Variants in U2AF2 observed in about 807,000 individuals in gnomAD.
U2AF2 encodes splicing factor U2AF 65 kDa subunit.
U2AF2 carries 6 observed loss-of-function variants against 52.6 expected under a neutral mutation model. That is an observed-to-expected ratio of 0.11 (90% CI 0.06 to 0.23). The LOEUF is 0.23. Ranked by LOEUF, U2AF2 falls within the 10% of genes least tolerant of loss-of-function variation. The probability of loss-of-function intolerance (pLI) is 1.00; values close to 1 mark genes in which losing one functional copy is unlikely to be tolerated. For missense variants in U2AF2, 222 were observed against 677.1 expected (o/e 0.33, Z 7.46); for synonymous variants, 284 against 258.2 (o/e 1.10, Z -0.96).
At chr19:55,655,405 C>T (rs953370592) in intron 1 of U2AF2, among the ~76,000 whole-genome samples, 1 of 152,176 alleles carries the variant, frequency 6.6e-6, no homozygotes, top group Non-Finnish European at 1.5e-5. Flanking sequence ...CCCACGTGGT[C>T]CTGGCGGAGG....
chr19:55,660,879 G>T (rs911519474), intron 4 of U2AF2, among the ~76,000 whole-genome samples, 159 bp from the exon 5 acceptor site: 1 of 152,126 alleles, frequency 6.6e-6, no homozygotes, highest in Non-Finnish European at 1.5e-5. Flanking sequence ...GCAGTTACTG[G>T]GTGGGGGCCC....
At chr19:55,659,846 TC>T (rs1158941171) in intron 2 of U2AF2, among the ~76,000 whole-genome samples, 1 of 152,108 alleles carries the variant, frequency 6.6e-6, no homozygotes, top group Non-Finnish European at 1.5e-5. Flanking sequence ...CACCGCCTCT[TC>T]CCTTCTAGGC....
chr19:55,669,757 C>G lies in U2AF2; in HGVS notation c.1293+65C>G. On this transcript the variant is annotated intron_variant, in intron 11 of 11. Coordinates refer to ENST00000308924, the MANE Select transcript of U2AF2 (RefSeq NM_007279.3). The stretch of plus-strand genomic sequence containing the variant: ...CCCTCCTCTTCTCCGCGCCCTCTTT[C>G]TTCCTCTCTTGCTCCCTCACCCTCT... 4.7e-6 allele frequency: 7 copies of G among 1,500,794 alleles called. No homozygotes were observed. In the South Asian group the frequency reaches 7.9e-5, roughly 17 times the overall value. The allele number at this position is 1,500,794 out of a possible 1,614,324, so 93.0% of individuals were successfully genotyped here.
Position 55,674,079 on chromosome 19 carries a change from G to A in U2AF2, c.*11G>A, listed in dbSNP as rs1985118888. The stretch of plus-strand genomic sequence containing the variant: ...CGGGACTTCTGGTAGAGGCGGCTGG[G>A]GGAGGGTGGGGGCAGGGCTGGCTGG... On this transcript the variant is annotated 3_prime_UTR_variant, in exon 12 of 12. Transcript: ENST00000308924. The A allele has an allele frequency of 3.7e-6, 6 of 1,600,506 alleles. No individual in the cohort carries two copies. The highest frequency in any genetic ancestry group is 5.1e-6 in the Non-Finnish European group (6 of 1,173,262).
At chr19:55,660,902 G>T in intron 4 of U2AF2, 136 bp from the exon 5 acceptor site, 1 of 1,401,220 alleles carries the variant, frequency 7.1e-7, no homozygotes, top group East Asian at 2.5e-5. Flanking sequence ...AGGGTGGAAA[G>T]AGGGTTCTGG....
chr19:55,660,642 C>G (rs200893985), intron 4 of U2AF2, 23 bp downstream of exon 4: 1 of 1,605,364 alleles, frequency 6.2e-7, no homozygotes, highest in Non-Finnish European at 8.5e-7. Context: ...CCAGGCTGCT[C>G]CCAGAGCGGG....
chr19:55,674,304 C>A lies in U2AF2; in HGVS notation c.*236C>A. 2.0e-6 allele frequency: 1 copy of A among 510,614 alleles called. No homozygotes were observed. 31.6% of individuals were successfully genotyped at this position (510,614 alleles called of 1,614,324 possible). A position where few individuals can be genotyped will look rare whatever the true frequency, so the allele number is the denominator to read the frequency against. ...ACACAGCCCACACAGACAACACGCA[C>A]CCACACAGACACAGAGGGAAGGGGT... On this transcript the variant is annotated 3_prime_UTR_variant, in exon 12 of 12. Transcript: ENST00000308924.
At chr19:55,656,641 T>G (rs923716624) in intron 1 of U2AF2, among the ~76,000 whole-genome samples, 1 of 152,248 alleles carries the variant, frequency 6.6e-6, no homozygotes, top group South Asian at 2.1e-4. Context: ...CATGTTTTAC[T>G]AAGTGGATCC....
At chr19:55,658,573 A>G (rs1222356810) in intron 1 of U2AF2, among the ~76,000 whole-genome samples, 2 of 152,100 alleles carry the variant, frequency 1.3e-5, no homozygotes, top group African/African-American at 2.4e-5. Flanking sequence ...GGATGGGGCA[A>G]GCTCCTCCCC....
chr19:55,667,784 CT>C (rs767601784), intron 7 of U2AF2, among the ~76,000 whole-genome samples: 249 of 142,972 alleles, frequency 1.7e-3, no homozygotes, highest in Admixed American at 1.6e-3. Flanking sequence ...AGGGACTGAG[CT>C]TTTTTTTTTT....
chr19:55,673,261 G>T (rs1278510946), intron 11 of U2AF2, among the ~76,000 whole-genome samples: 1 of 151,898 alleles, frequency 6.6e-6, no homozygotes, highest in Non-Finnish European at 1.5e-5. Flanking sequence ...ATCCATATCA[G>T]GTCCCTGCCT....
Position 55,659,309 on chromosome 19 carries a change from A to G in U2AF2, c.149A>G (p.Asp50Gly). The G allele has an allele frequency of 6.3e-7, 1 of 1,583,214 alleles. No individual in the cohort carries two copies. The highest frequency in any genetic ancestry group is 8.6e-7 in the Non-Finnish European group (1 of 1,163,048). The change falls in exon 2 of 12, where the codon GAC becomes GGC. Residue 50 changes from aspartate (D) to glycine (G), a missense_variant. This residue lies in a region of U2AF2 where 100 missense variants were observed against 144.1 expected (regional missense o/e 0.69). Transcript: ENST00000308924. Reference protein sequence around the residue: ...RSRSRDRRNRDQRSASRDRRR... With the variant: ...RSRSRDRRNRGQRSASRDRRR... ...CGGAGCCGCGACCGGCGCAACCGGG[A>G]CCAGCGGAGCGCCTCCCGGGACAGG...
At chr19:55,673,669 G>A (rs998705254) in intron 11 of U2AF2, among the ~76,000 whole-genome samples, 11 of 152,174 alleles carry the variant, frequency 7.2e-5, no homozygotes, top group African/African-American at 2.7e-4. Flanking sequence ...TCCCGCCTGC[G>A]CTCTATGGCT....
At chr19:55,659,821 AG>A (rs1984046421) in intron 2 of U2AF2, among the ~76,000 whole-genome samples, 1 of 151,960 alleles carries the variant, frequency 6.6e-6, no homozygotes, top group African/African-American at 2.4e-5. Context: ...TTTTTGGCCC[AG>A]GGGTGTCGGT....
Position 55,669,013 on chromosome 19 carries a change from A to G in U2AF2, c.946-70A>G. The G allele has an allele frequency of 1.9e-6, 3 of 1,548,128 alleles. No homozygotes were observed. The South Asian group carries it at 3.5e-5, about 18-fold the overall frequency. ...CCCACCAATGCCCCGGCTTGGGGGT[A>G]GGTGTCGGGCTCCTGGTCCCTGACC... is the stretch of plus-strand genomic sequence containing the variant. On this transcript the variant is annotated intron_variant, in intron 9 of 11. Coordinates refer to ENST00000308924, the MANE Select transcript of U2AF2 (RefSeq NM_007279.3).
rs367999144 is a variant in U2AF2, at chr19:55,662,469, C to T, written c.487-33C>T. ...CCTCCTCTCTCCACCTCCCTTCCCC[C>T]GCCCCCCCCCTTGTCTCCTATTCCC... is the stretch of plus-strand genomic sequence containing the variant. On this transcript the variant is annotated intron_variant, in intron 5 of 11. Coordinates refer to ENST00000308924, the MANE Select transcript of U2AF2 (RefSeq NM_007279.3). 1.7e-4 allele frequency: 202 copies of T among 1,172,300 alleles called. 6 individuals carry two copies. The South Asian group carries it at 2.3e-3, about 13-fold the overall frequency. 72.6% of individuals were successfully genotyped at this position (1,172,300 alleles called of 1,614,324 possible). A position where few individuals can be genotyped will look rare whatever the true frequency, so the allele number is the denominator to read the frequency against.
chr19:55,659,489 T>G, intron 2 of U2AF2, 144 bp downstream of exon 2: 3 of 1,101,552 alleles, frequency 2.7e-6, no homozygotes, highest in Non-Finnish European at 2.4e-6. Flanking sequence ...GGGGGAGGGA[T>G]CTACTGCTTG....
chr19:55,659,219 A>G lies in U2AF2; in HGVS notation c.59A>G (p.Lys20Arg). The G allele has an allele frequency of 6.3e-7, 1 of 1,591,416 alleles. No individual in the cohort carries two copies. The highest frequency in any genetic ancestry group is 8.6e-7 in the Non-Finnish European group (1 of 1,167,206). ...TCTCACCCTTGCCCAGAGCGGGACA[A>G]GGAGAACCGGCATCGGAAGCGCAGC... ...QLNENKQERD[K>R]ENRHRKRSHS... Residue 20 changes from lysine (K) to arginine (R), a missense_variant, in exon 2 of 12, where the codon AAG (lysine) becomes AGG (arginine). Coordinates refer to ENST00000308924, the MANE Select transcript of U2AF2 (RefSeq NM_007279.3).
In U2AF2 at chr19:55,668,839, C is replaced by A; in HGVS notation, c.945+47C>A. On this transcript the variant is annotated intron_variant, in intron 9 of 11. Transcript: ENST00000308924. This position sits in a 1 kb window ranked among gnomAD's most constrained non-coding sequence, Gnocchi z 5.5. ...GCTGCCGCGTCTGTCCTTCCCTGCCCTGCGCTGTTGCCAAGCCATGGTCTC... is the reference window on the plus strand; with the variant it reads ...GCTGCCGCGTCTGTCCTTCCCTGCCATGCGCTGTTGCCAAGCCATGGTCTC... 6.3e-7 allele frequency: 1 copy of A among 1,582,290 alleles called. No individual in the cohort carries two copies.
Sources: allele counts gnomAD v4.1 joint callset (sites outside exome capture counted in the v4.1 genomes callset), GRCh38; gene constraint gnomAD v4.1.1; regional missense constraint gnomAD v4.1.1; non-coding constraint Gnocchi (gnomAD v3.1); transcripts MANE v1.5; gene names NCBI Gene and HGNC (gene_info 2026-07-23, HGNC 2026-07-21).